The following SIGLEC9 variants were observed in gnomAD, a reference collection of about 807,000 sequenced individuals.
The protein encoded by SIGLEC9 is sialic acid binding Ig like lectin 9.
In SIGLEC9, 26 loss-of-function variants were observed where a neutral mutation model predicts 38.3. The ratio of observed to expected loss-of-function variants is 0.68; its 90% CI spans 0.50 to 0.94. The LOEUF (loss-of-function observed/expected upper bound fraction) is 0.94. SIGLEC9 is among the 40% of genes least tolerant of loss of function. SIGLEC9 has a pLI of 0.00. For synonymous variants in SIGLEC9, 236 were observed against 248.0 expected (o/e 0.95, Z 0.45); for missense variants, 556 against 585.7 (o/e 0.95, Z 0.52).
chr19:51,128,442 A>G lies in SIGLEC9; in HGVS notation c.1135A>G (p.Arg379Gly). The change falls in exon 6 of 7, where the codon AGG becomes GGG. Residue 379 changes from arginine to glycine, a missense_variant. By Grantham distance (125) the Arg-to-Gly change is moderately radical (BLOSUM62 -2). Coordinates refer to ENST00000250360, the MANE Select transcript of SIGLEC9 (RefSeq NM_014441.3). The stretch of plus-strand genomic sequence containing the variant: ...GAGGTCCTGCAGGAAGAAATCGGCA[A>G]GGCCAGCAGCGGGCGTGGGAGATAC... ...VVRSCRKKSA[R>G]PAAGVGDTGI... 6.2e-7 allele frequency: 1 copy of G among 1,614,134 alleles called. No individual in the cohort carries two copies. The highest frequency in any genetic ancestry group is 8.5e-7 in the Non-Finnish European group (1 of 1,180,004).
chr19:51,122,772 G>A (rs2091952507), upstream of SIGLEC9: 1 of 152,482 alleles, frequency 6.6e-6, no homozygotes, highest in Admixed American at 6.5e-5. This position sits in a 1 kb window ranked among gnomAD's most constrained non-coding sequence, Gnocchi z 4.1. Context: ...TGGTCTGTGT[G>A]GCTGACAGCA....
At position 51,125,750 on chromosome 19, in the gene SIGLEC9, C is replaced by T. The variant is rs141623843; in HGVS notation, c.575C>T (p.Thr192Ile). ...TCCGTGTCCCCCCTGGACCCCTCCA[C>T]CACCCGCTCCTCGGTGCTCACCCTC... ...GTSVSPLDPS[T>I]TRSSVLTLIP... The change falls in exon 2 of 7, where the codon ACC becomes ATC. Residue 192 changes from threonine (T) to isoleucine (I), a missense_variant. Transcript: ENST00000250360. 1.1e-4 allele frequency: 177 copies of T among 1,614,080 alleles called. No homozygotes were observed. The highest frequency in any genetic ancestry group is 2.5e-4 in the Admixed American group (15 of 60,022).
chr19:51,124,864 C>T (rs1055407981), upstream of SIGLEC9: 17 of 1,403,762 alleles, frequency 1.2e-5, no homozygotes, highest in African/African-American at 1.2e-4. Flanking sequence ...GTTCCGACCT[C>T]GCCCCTGTCT....
At chr19:51,131,200 A>C (rs1049951891), downstream of SIGLEC9, among the ~76,000 whole-genome samples, 1 of 152,222 alleles carries the variant, frequency 6.6e-6, no homozygotes, top group Non-Finnish European at 1.5e-5. Flanking sequence ...GGAAGAAATC[A>C]AAGGACTGGA....
intron 6 of SIGLEC9, 33 bp from the exon 7 acceptor site, chr19:51,129,858 T>C: frequency 6.7e-7 from 1 of 1,494,958 alleles, no homozygotes; most frequent in Non-Finnish European, 9.0e-7. Context: ...CCTCACTGTC[T>C]GCTCTGACTC....
At chr19:51,128,275 G>T in intron 5 of SIGLEC9, 139 bp from the exon 6 acceptor site, 2 of 1,036,332 alleles carry the variant, frequency 1.9e-6, no homozygotes, top group Middle Eastern at 3.0e-4. Flanking sequence ...CTCAACCTTG[G>T]GGTCTCTAAG....
chr19:51,124,824 G>A (rs1599814681), upstream of SIGLEC9: 6 of 953,656 alleles, frequency 6.3e-6, no homozygotes, highest in South Asian at 8.6e-5. Context: ...CAGTGTCTGG[G>A]TGTAAAGTTC....
At chr19:51,126,230 G>T in intron 3 of SIGLEC9, 102 bp downstream of exon 3, 1 of 1,158,728 alleles carries the variant, frequency 8.6e-7, no homozygotes, top group East Asian at 2.3e-5. Context: ...AAACAGGGAT[G>T]TCCTTGTGGG....
intron 6 of SIGLEC9, 59 bp downstream of exon 6, chr19:51,128,569 C>A: frequency 6.1e-6 from 9 of 1,485,590 alleles, no homozygotes; most frequent in Non-Finnish European, 8.4e-6. Flanking sequence ...CACAGGATGA[C>A]CCCCAGGACT....
At chr19:51,122,026 C>T (rs2091951198), upstream of SIGLEC9, among the ~76,000 whole-genome samples, 1 of 152,094 alleles carries the variant, frequency 6.6e-6, no homozygotes, top group African/African-American at 2.4e-5. The surrounding 1 kb of genome is among the most constrained non-coding windows in gnomAD (Gnocchi z 4.1). Context: ...CCAGAGTCCC[C>T]TGTGACTCCT....
At chr19:51,124,891 C>T (rs574810118), upstream of SIGLEC9, 1 of 1,528,106 alleles carries the variant, frequency 6.5e-7, no homozygotes, top group South Asian at 1.3e-5. Context: ...AGGGCCTCCT[C>T]TAAGTCTTGA....
Position 51,125,764 on chromosome 19 carries a change from G to T in SIGLEC9, c.589G>T (p.Val197Leu), listed in dbSNP as rs1356622522. ...GGACCCCTCCACCACCCGCTCCTCG[G>T]TGCTCACCCTCATCCCACAGCCCCA... ...PLDPSTTRSSVLTLIPQPQDH... is the reference protein window; with the variant it reads ...PLDPSTTRSSLLTLIPQPQDH... The change falls in exon 2 of 7, where the codon GTG becomes TTG. Residue 197 changes from valine (V) to leucine (L), a missense_variant. Physicochemically the swap from Val to Leu is conservative, Grantham distance 32 (BLOSUM62 1). Transcript: ENST00000250360. 6.2e-7 allele frequency: 1 copy of T among 1,613,978 alleles called. No homozygotes were observed. The highest frequency in any genetic ancestry group is 8.5e-7 in the Non-Finnish European group (1 of 1,179,962).
intron 6 of SIGLEC9, among the ~76,000 whole-genome samples, chr19:51,129,623 T>C (rs540807922): frequency 3.4e-4 from 51 of 151,448 alleles, no homozygotes; most frequent in African/African-American, 1.1e-3. Flanking sequence ...AATCTTGGCT[T>C]ACTGCAACCT....
chr19:51,130,779 G>A (rs541071931), downstream of SIGLEC9, among the ~76,000 whole-genome samples: 30 of 152,194 alleles, frequency 2.0e-4, no homozygotes, highest in Admixed American at 1.8e-3. Flanking sequence ...CATCCTCTTC[G>A]TGACATCACT....
At position 51,127,972 on chromosome 19, in the gene SIGLEC9, C is replaced by T. The variant is rs775134480; in HGVS notation, c.1039C>T (p.Gln347Ter). ...AGGCAAAGCCACATCAGGAGTGACT[C>T]AGGGGGTGGTCGGGGGAGCTGGAGC... ...LQSKATSGVT[Q>*]GVVGGAGATA... The change falls in exon 5 of 7, where the codon CAG becomes TAG. Residue 347 changes from glutamine to a stop codon, truncating the protein, a stop_gained. Transcript: ENST00000250360. LOFTEE classifies it high-confidence loss of function. The T allele has an allele frequency of 1.2e-6, 2 of 1,613,726 alleles. No homozygotes were observed. Among genetic ancestry groups the T allele is most frequent in the Non-Finnish European group, 1.7e-6 (2 of 1,179,650 alleles).
downstream of SIGLEC9, among the ~76,000 whole-genome samples, chr19:51,132,543 G>C (rs1223983953): frequency 6.6e-6 from 1 of 152,118 alleles, no homozygotes; most frequent in Admixed American, 6.6e-5. Context: ...CTCATGACCC[G>C]ACCGCAAAAG....
chr19:51,136,199 T>C, exon 7 of SIGLEC9: 1 of 703,154 alleles, frequency 1.4e-6, no homozygotes, highest in Non-Finnish European at 2.6e-6. Flanking sequence ...TGTGGGCTGA[T>C]GTTCCTTTAA....
chr19:51,130,474 G>A (rs2092009525), downstream of SIGLEC9, among the ~76,000 whole-genome samples: 1 of 152,132 alleles, frequency 6.6e-6, no homozygotes, highest in East Asian at 1.9e-4. Flanking sequence ...GTCCTGCTGG[G>A]AACCTCTCCT....
At chr19:51,134,408 C>G (rs1334944519), downstream of SIGLEC9, among the ~76,000 whole-genome samples, 4 of 152,120 alleles carry the variant, frequency 2.6e-5, no homozygotes, top group African/African-American at 9.7e-5. Flanking sequence ...CCAACCACCT[C>G]TGCATCCCAA....
Sources: gnomAD v4.1 joint callset for allele counts (sites outside exome capture counted in the v4.1 genomes callset) on GRCh38, gnomAD v4.1.1 for gene constraint, Gnocchi (gnomAD v3.1) non-coding constraint, MANE v1.5 for transcripts, NCBI Gene and HGNC (gene_info 2026-07-23, HGNC 2026-07-21) for gene names.